DPP3: variants seen among roughly 807,000 people sequenced by gnomAD.
The protein encoded by DPP3 is dipeptidyl peptidase 3.
A neutral mutation model predicts 89.8 loss-of-function variants in DPP3; 64 were observed. The ratio of observed to expected loss-of-function variants is 0.71; its 90% CI spans 0.58 to 0.88. DPP3 has a LOEUF of 0.88. Ranked by LOEUF, DPP3 falls within the 40% of genes least tolerant of loss-of-function variation. The probability of loss-of-function intolerance (pLI) is 0.00; values close to 1 mark genes in which losing one functional copy is unlikely to be tolerated. For missense variants in DPP3, 835 were observed against 972.5 expected, an observed-to-expected ratio of 0.86 and a Z score of 1.88; for synonymous variants, 377 against 404.3, an observed-to-expected ratio of 0.93 and a Z score of 0.81.
At chr11:66,483,821 T>C (rs1459908294) in intron 2 of DPP3, among the ~76,000 whole-genome samples, 1 of 152,232 alleles carries the variant, frequency 6.6e-6, no homozygotes, top group Non-Finnish European at 1.5e-5. Context: ...TTGGATTGTT[T>C]CTCTCTGAGC....
chr11:66,504,952 G>A (rs1163776422), intron 17 of DPP3, among the ~76,000 whole-genome samples, 178 bp downstream of exon 17: 1 of 152,008 alleles, frequency 6.6e-6, no homozygotes, highest in Non-Finnish European at 1.5e-5. Flanking sequence ...CTTGGTATCT[G>A]TCACCACCCA....
intron 17 of DPP3, among the ~76,000 whole-genome samples, chr11:66,506,662 C>T (rs1855810070): frequency 6.6e-6 from 1 of 152,150 alleles, no homozygotes; most frequent in Non-Finnish European, 1.5e-5. Context: ...CCTTCTCTGG[C>T]TCACTGTACT....
intron 16 of DPP3, among the ~76,000 whole-genome samples, chr11:66,501,443 C>T (rs1347936124): frequency 6.6e-6 from 1 of 151,754 alleles, no homozygotes; most frequent in Non-Finnish European, 1.5e-5. Context: ...ACATACACAG[C>T]AGTGAGAAGG....
At chr11:66,508,898 C>T (rs1855871114) in intron 17 of DPP3, among the ~76,000 whole-genome samples, 181 bp from the exon 18 acceptor site, 1 of 152,158 alleles carries the variant, frequency 6.6e-6, no homozygotes, top group South Asian at 2.1e-4. Context: ...TATTTCCTTC[C>T]TCACAGGGTT....
Position 66,480,445 on chromosome 11 carries a change from C to G in DPP3, c.-29C>G. 2.0e-6 allele frequency: 3 copies of G among 1,484,410 alleles called. No homozygotes were observed. Among genetic ancestry groups the G allele is most frequent in the Non-Finnish European group, 2.7e-6 (3 of 1,123,476 alleles). 92.0% of individuals were successfully genotyped at this position (1,484,410 alleles called of 1,614,324 possible). On this transcript the variant is annotated 5_prime_UTR_variant, in exon 1 of 18. Transcript: ENST00000531863. Reference sequence around the variant, plus strand: ...GAGCCGGAAGCAGGAAGTGAGTTTGCGAACGGAGCAGCTGCTGCAGGTGAG... The same window carrying G: ...GAGCCGGAAGCAGGAAGTGAGTTTGGGAACGGAGCAGCTGCTGCAGGTGAG...
intron 16 of DPP3, among the ~76,000 whole-genome samples, chr11:66,500,360 TAAAG>T (rs1326455807): frequency 2.0e-5 from 3 of 151,744 alleles, no homozygotes; most frequent in Non-Finnish European, 2.9e-5. Flanking sequence ...TTTCAAAAAA[TAAAG>T]AAAGAAGAAA....
chr11:66,493,007 C>T (rs1233377014), intron 10 of DPP3, 60 bp from the exon 11 acceptor site: 1 of 1,609,750 alleles, frequency 6.2e-7, no homozygotes, highest in Admixed American at 1.7e-5. Context: ...TGCTCTGTGC[C>T]TCTTGTCTGT....
Position 66,486,621 on chromosome 11 carries a change from G to A in DPP3, c.442G>A (p.Gly148Arg), listed in dbSNP as rs141227407. 1.3e-5 allele frequency: 21 copies of A among 1,583,988 alleles called. No individual in the cohort carries two copies. Among genetic ancestry groups the A allele is most frequent in the Admixed American group, 3.5e-5 (2 of 57,026 alleles). ...AGTCAGGGGCCTCTGGCAGACCTGC[G>A]GGGAGCTTATGTTCTCTCTGGAGCC... Reference protein sequence around the residue: ...EEVRGLWQTCGELMFSLEPRL... With the variant: ...EEVRGLWQTCRELMFSLEPRL... Residue 148 changes from glycine (G) to arginine (R), a missense_variant, in exon 4 of 18, where the codon GGG becomes AGG. Gly to Arg is a moderately radical substitution (Grantham distance 125). Transcript: ENST00000531863.
intron 17 of DPP3, among the ~76,000 whole-genome samples, chr11:66,507,691 T>G (rs1049510898): frequency 1.3e-5 from 2 of 150,540 alleles, no homozygotes; most frequent in Non-Finnish European, 3.0e-5. Context: ...TAAAAAGTTT[T>G]TTTTTTTTTT....
At chr11:66,507,890 T>C (rs1180486137) in intron 17 of DPP3, among the ~76,000 whole-genome samples, 2 of 152,044 alleles carry the variant, frequency 1.3e-5, no homozygotes, top group African/African-American at 4.8e-5. Flanking sequence ...TTGGCCAGGC[T>C]AATCTCGAAC....
chr11:66,495,146 G>T, intron 12 of DPP3, 60 bp from the exon 13 acceptor site: 1 of 1,611,494 alleles, frequency 6.2e-7, no homozygotes, highest in Non-Finnish European at 8.5e-7. Context: ...GTGGATTCTG[G>T]GGCTGGAGGC....
chr11:66,493,068 C>A lies in DPP3; in HGVS notation c.1185C>A (p.Tyr395Ter). The change falls in exon 11 of 18, where the codon TAC becomes TAA. Residue 395 changes from tyrosine to a stop codon, truncating the protein, a stop_gained and splice_region_variant. Transcript: ENST00000531863. LOFTEE classifies it high-confidence loss of function. Reference protein sequence around the residue: ...GIPAGINIPNYDDLRQTEGFK... With the variant: ...GIPAGINIPN ...CTGGTCCTTCTCCACCTTCTCCAGA[C>A]GATGATCTGAGGCAGACGGAAGGCT... 2 of 1,614,092 alleles carry A rather than the reference C, an allele frequency of 1.2e-6. No individual in the cohort carries two copies. The highest frequency in any genetic ancestry group is 1.7e-6 in the Non-Finnish European group (2 of 1,179,996).
chr11:66,492,706 T>TC lies in DPP3; in HGVS notation c.989-8dup, dbSNP rs771918555. 3.2e-6 allele frequency: 5 copies of TC among 1,563,166 alleles called. No homozygotes were observed. Among genetic ancestry groups the TC allele is most frequent in the Non-Finnish European group, 3.5e-6 (4 of 1,156,398 alleles). ...CCCTGCCAAGCCACAACCCCCTCCC[T>TC]CCTCTGCAGGTTTCGTAGCTGTGGT... On this transcript the variant is annotated splice_polypyrimidine_tract_variant and intron_variant, in intron 9 of 17. Transcript: ENST00000531863.
intron 12 of DPP3, 129 bp downstream of exon 12, chr11:66,493,762 C>G (rs1590739380): frequency 2.1e-6 from 2 of 961,490 alleles, no homozygotes; most frequent in African/African-American, 1.6e-5. Flanking sequence ...GAAAATGGCC[C>G]CTTAGGCAGA....
intron 5 of DPP3, 85 bp from the exon 6 acceptor site, chr11:66,487,829 C>T (rs1468488219): frequency 2.3e-6 from 3 of 1,289,130 alleles, no homozygotes; most frequent in South Asian, 1.3e-5. Flanking sequence ...CATGCCTTCT[C>T]CCCTAGGGTT....
intron 15 of DPP3, among the ~76,000 whole-genome samples, chr11:66,496,082 C>T (rs542696419): frequency 6.6e-6 from 1 of 152,318 alleles, no homozygotes; most frequent in East Asian, 1.9e-4. Flanking sequence ...CTATTGTTAC[C>T]CTCATTTTAG....
At position 66,509,230 on chromosome 11, in the gene DPP3, G is replaced by A; in HGVS notation, c.2193G>A (p.Glu731=). The A allele has an allele frequency of 6.2e-7, 1 of 1,612,090 alleles. No homozygotes were observed. Among genetic ancestry groups the A allele is most frequent in the Non-Finnish European group, 8.5e-7 (1 of 1,179,104 alleles). The change falls in exon 18 of 18, where the codon GAG becomes GAA. Residue 731 remains glutamate, a synonymous_variant. Coordinates refer to ENST00000531863, the MANE Select transcript of DPP3 (RefSeq NM_130443.4). ...ADARFWKGPS[E]APSGQA is the part of the protein sequence containing the mutation. The stretch of plus-strand genomic sequence containing the variant: ...CCCGATTCTGGAAGGGCCCCAGTGA[G>A]GCCCCATCTGGCCAAGCTTGAGGAA...
Position 66,495,668 on chromosome 11 carries a change from T to C in DPP3, c.1616T>C (p.Ile539Thr), listed in dbSNP as rs1295776366. The change falls in exon 15 of 18, where the codon ATC becomes ACC. Residue 539 changes from isoleucine (I) to threonine (T), a missense_variant. Coordinates refer to ENST00000531863, the MANE Select transcript of DPP3 (RefSeq NM_130443.4). The stretch of plus-strand genomic sequence containing the variant: ...GAGGGGGCTGATGCGGAGGACGTGA[T>C]CTACGTGAACTGGCTCAACATGGTT... ...GFEGADAEDVIYVNWLNMVRA... is the reference protein window; with the variant it reads ...GFEGADAEDVTYVNWLNMVRA... 3.1e-6 allele frequency: 5 copies of C among 1,614,110 alleles called. No homozygotes were observed. The highest frequency in any genetic ancestry group is 4.2e-6 in the Non-Finnish European group (5 of 1,180,014).
chr11:66,504,526 G>A, intron 16 of DPP3, 86 bp from the exon 17 acceptor site: 1 of 1,474,924 alleles, frequency 6.8e-7, no homozygotes. Context: ...GTCCAGGGCT[G>A]ACCACAATCA....
Sources: gnomAD v4.1 joint callset for allele counts (sites outside exome capture counted in the v4.1 genomes callset) on GRCh38, gnomAD v4.1.1 for gene constraint, MANE v1.5 for transcripts, NCBI Gene and HGNC (gene_info 2026-07-23, HGNC 2026-07-21) for gene names.